ESRP1: variants seen among roughly 807,000 people sequenced by gnomAD.
The protein encoded by ESRP1 is epithelial splicing regulatory protein 1.
ESRP1 carries 33 observed loss-of-function variants against 81.7 expected under a neutral mutation model. The ratio of observed to expected loss-of-function variants is 0.40; its 90% confidence interval spans 0.31 to 0.54. ESRP1 has a LOEUF of 0.54. ESRP1 is among the 20% of genes least tolerant of loss of function. The pLI is 0.41. For missense variants in ESRP1, 672 were observed against 833.1 expected (o/e 0.81, Z 2.38); for synonymous variants, 320 against 303.3 (o/e 1.06, Z -0.57).
intron 4 of ESRP1, among the ~76,000 whole-genome samples, chr8:94,661,446 A>C (rs6471455): frequency 0.9 from 137,346 of 152,216 alleles, 62,103 homozygotes; most frequent in East Asian, 0.96. Flanking sequence ...AGTGGGAAAC[A>C]CAAAAAATTG....
chr8:94,646,549 G>A (rs1301594910), intron 4 of ESRP1: 3 of 258,430 alleles, frequency 1.2e-5, no homozygotes, highest in Non-Finnish European at 2.2e-5. Flanking sequence ...GCTGTGTAAT[G>A]TGTGTGTGTG....
intron 15 of ESRP1, among the ~76,000 whole-genome samples, chr8:94,700,240 A>T (rs1292543088): frequency 6.6e-6 from 1 of 152,122 alleles, no homozygotes; most frequent in Non-Finnish European, 1.5e-5. Context: ...GATCCCTGGA[A>T]CCTGTGACTA....
At chr8:94,684,950 G>A (rs1370516418) in intron 13 of ESRP1, among the ~76,000 whole-genome samples, 3 of 151,638 alleles carry the variant, frequency 2.0e-5, no homozygotes, top group Admixed American at 1.3e-4. Flanking sequence ...GATTGCTTGA[G>A]CCTGGAGATT....
At position 94,674,364 on chromosome 8, in the gene ESRP1, G is replaced by A. The variant is rs752019473; in HGVS notation, c.1509G>A (p.Met503Ile). The A allele has an allele frequency of 6.2e-7, 1 of 1,613,968 alleles. No individual in the cohort carries two copies. The highest frequency in any genetic ancestry group is 1.1e-5 in the South Asian group (1 of 91,078). ...TGAAGTCTGCGGACAGAGCATTTAT[G>A]GCTGCACAGAAGTGTCATAAAAAAA... ...IQMKSADRAF[M>I]AAQKCHKKNM... is the part of the protein sequence containing the mutation. Residue 503 changes from methionine (M) to isoleucine (I), a missense_variant, in exon 12 of 16, where the codon ATG (methionine) becomes ATA (isoleucine). Transcript: ENST00000433389.
chr8:94,684,484 G>T (rs767469440), intron 13 of ESRP1, among the ~76,000 whole-genome samples: 2 of 152,148 alleles, frequency 1.3e-5, no homozygotes, highest in Non-Finnish European at 2.9e-5. Context: ...CATGAAAACT[G>T]ACTTTAGGTT....
At chr8:94,700,939 GTGTGTGTGTGTGTA>G (rs1325369984) in intron 15 of ESRP1, among the ~76,000 whole-genome samples, 26 of 108,736 alleles carry the variant, frequency 2.4e-4, no homozygotes, top group South Asian at 5.6e-4. Flanking sequence ...AAAAAAAAAT[GTGTGTGTGTGTGTA>G]TGTGTGTGTG....
rs574508308 is a variant in ESRP1 at position 94,706,991 on chromosome 8, T to G, written c.*1102T>G. 4 of 152,266 alleles carry G rather than the reference T, an allele frequency of 2.6e-5. No homozygotes were observed. Among genetic ancestry groups the G allele is most frequent in the Non-Finnish European group, 4.4e-5 (3 of 68,052 alleles). 9.4% of individuals were successfully genotyped at this position (152,266 alleles called of 1,614,324 possible). A position where few individuals can be genotyped will look rare whatever the true frequency, so the allele number is the denominator to read the frequency against. ...CTGATGCTGTCAGTGTTTAACACTA[T>G]GTTTAGCTGTGTTTATGCTATAAAA... is the stretch of plus-strand genomic sequence containing the variant. On this transcript the variant is annotated 3_prime_UTR_variant, in exon 16 of 16. Coordinates refer to ENST00000433389, the MANE Select transcript of ESRP1 (RefSeq NM_017697.4).
At chr8:94,650,781 T>C (rs1472659409) in intron 4 of ESRP1, among the ~76,000 whole-genome samples, 2 of 146,084 alleles carry the variant, frequency 1.4e-5, no homozygotes, top group African/African-American at 4.9e-5. Flanking sequence ...GGCGCGATCT[T>C]GGCTAACTGC....
At chr8:94,679,640 T>G (rs1220642461) in intron 13 of ESRP1, among the ~76,000 whole-genome samples, 1 of 152,144 alleles carries the variant, frequency 6.6e-6, no homozygotes, top group Non-Finnish European at 1.5e-5. Flanking sequence ...ATGTTGGATG[T>G]GGGCCTGTAG....
At chr8:94,693,634 G>T (rs1809488781) in intron 14 of ESRP1, among the ~76,000 whole-genome samples, 1 of 152,004 alleles carries the variant, frequency 6.6e-6, no homozygotes. Context: ...TTTCCTCCTG[G>T]ATCTGAACGT....
intron 13 of ESRP1, among the ~76,000 whole-genome samples, chr8:94,684,082 G>T (rs779545817): frequency 4.6e-5 from 7 of 152,114 alleles, no homozygotes; most frequent in Non-Finnish European, 8.8e-5. Flanking sequence ...CCCAAAATCA[G>T]GTGCTGTACT....
At chr8:94,696,255 A>G (rs889795939) in intron 14 of ESRP1, among the ~76,000 whole-genome samples, 2 of 152,202 alleles carry the variant, frequency 1.3e-5, no homozygotes, top group Non-Finnish European at 2.9e-5. Flanking sequence ...GTATCCTTAC[A>G]TAAGTCCTTT....
intron 14 of ESRP1, 46 bp downstream of exon 14, chr8:94,692,873 A>C: frequency 1.3e-6 from 2 of 1,580,906 alleles, no homozygotes; most frequent in Non-Finnish European, 1.7e-6. Flanking sequence ...TTATTACTTA[A>C]GTTGATTTGC....
intron 13 of ESRP1, among the ~76,000 whole-genome samples, chr8:94,686,699 T>C (rs1159824274): frequency 6.6e-6 from 1 of 152,200 alleles, no homozygotes; most frequent in Non-Finnish European, 1.5e-5. Flanking sequence ...AGTTACATTA[T>C]TGACACAATG....
At chr8:94,672,823 G>A (rs574723251) in intron 11 of ESRP1, among the ~76,000 whole-genome samples, 5 of 152,352 alleles carry the variant, frequency 3.3e-5, no homozygotes, top group East Asian at 1.9e-4. Context: ...GTAAGCCGCC[G>A]CACCTGGCCT....
intron 14 of ESRP1, among the ~76,000 whole-genome samples, chr8:94,695,348 CTTT>C (rs1177357708): frequency 3.6e-4 from 22 of 61,172 alleles, no homozygotes; most frequent in African/African-American, 5.9e-4. Flanking sequence ...CTTTTTCTTT[CTTT>C]TTTTTTTTTT....
intron 13 of ESRP1, among the ~76,000 whole-genome samples, chr8:94,686,896 TTA>T (rs1490813378): frequency 6.6e-6 from 1 of 152,214 alleles, no homozygotes; most frequent in Non-Finnish European, 1.5e-5. Context: ...TGCTTAATCC[TTA>T]TATTTCTCTA....
Position 94,678,175 on chromosome 8 carries a change from C to T in ESRP1, c.1652-28C>T, listed in dbSNP as rs747786025. On this transcript the variant is annotated intron_variant, in intron 12 of 15. Coordinates refer to ENST00000433389, the MANE Select transcript of ESRP1 (RefSeq NM_017697.4). ...TGCATGTCAGCTGTTACAAATATGT[C>T]TCAAAGAATCTCTCTTTGCATATCT... is the stretch of plus-strand genomic sequence containing the variant. The T allele has an allele frequency of 3.7e-6, 6 of 1,609,728 alleles. No homozygotes were observed. The Admixed American group carries it at 8.4e-5, about 22-fold the overall frequency.
At chr8:94,664,551 T>C in intron 6 of ESRP1, 146 bp from the exon 7 acceptor site, 1 of 633,648 alleles carries the variant, frequency 1.6e-6, no homozygotes, top group Non-Finnish European at 2.8e-6. Flanking sequence ...ATTTTTGAGG[T>C]TATAAGGAAA....
Sources: gnomAD v4.1 joint callset for allele counts (sites outside exome capture counted in the v4.1 genomes callset) on GRCh38, gnomAD v4.1.1 for gene constraint, MANE v1.5 for transcripts, NCBI Gene and HGNC (gene_info 2026-07-23, HGNC 2026-07-21) for gene names.